Variants in TMEM217 observed in about 807,000 individuals in gnomAD.
TMEM217 encodes the protein chromosome 6 open reading frame 128.
For synonymous variants in TMEM217, 76 were observed against 88.3 expected (o/e 0.86, Z 0.78); for missense variants, 204 against 248.8 (o/e 0.82, Z 1.21).
At chr6:37,229,891 G>A (rs1200644986) in intron 1 of TMEM217, among the ~76,000 whole-genome samples, 3 of 152,212 alleles carry the variant, frequency 2.0e-5, no homozygotes, top group African/African-American at 7.2e-5. Flanking sequence ...CTCAACTGGT[G>A]GTTTCTCTGC....
At chr6:37,222,915 C>G (rs917957552) in intron 1 of TMEM217, among the ~76,000 whole-genome samples, 1 of 152,074 alleles carries the variant, frequency 6.6e-6, no homozygotes, top group Admixed American at 6.5e-5. Flanking sequence ...GCAGCCACTG[C>G]CATTACTAGC....
intron 1 of TMEM217, among the ~76,000 whole-genome samples, chr6:37,237,205 C>T (rs1345151897): frequency 6.6e-6 from 1 of 152,200 alleles, no homozygotes; most frequent in Non-Finnish European, 1.5e-5. Context: ...GATGTAGGGA[C>T]TTCTGAGTAT....
intron 1 of TMEM217, among the ~76,000 whole-genome samples, chr6:37,252,303 C>A (rs1031811844): frequency 2.0e-5 from 3 of 152,118 alleles, no homozygotes; most frequent in Non-Finnish European, 4.4e-5. Context: ...TATTATTACA[C>A]AGCCCCGAGA....
downstream of TMEM217, among the ~76,000 whole-genome samples, chr6:37,213,579 A>G (rs1211919984): frequency 6.6e-6 from 1 of 152,268 alleles, no homozygotes; most frequent in Non-Finnish European, 1.5e-5. Context: ...GACTCTGCCC[A>G]GGGCCAAGAT....
chr6:37,215,876 C>T (rs1763174603), downstream of TMEM217, among the ~76,000 whole-genome samples: 1 of 152,014 alleles, frequency 6.6e-6, no homozygotes, highest in South Asian at 2.1e-4. Flanking sequence ...AGCAAGTTTG[C>T]CTTGGCTTGA....
exon 4 of TMEM217, chr6:37,212,218 G>A: frequency 3.0e-6 from 1 of 333,404 alleles, no homozygotes; most frequent in Non-Finnish European, 5.9e-6. Context: ...ATCATTAACT[G>A]CTAAAACAAG....
chr6:37,215,540 C>T (rs1321218553), downstream of TMEM217, among the ~76,000 whole-genome samples: 1 of 120,834 alleles, frequency 8.3e-6, no homozygotes, highest in Non-Finnish European at 1.6e-5. Context: ...CACTGTACTC[C>T]AGCCTGGGCT....
chr6:37,253,350 T>G (rs928568156), intron 1 of TMEM217, among the ~76,000 whole-genome samples: 3 of 152,240 alleles, frequency 2.0e-5, no homozygotes, highest in Non-Finnish European at 1.5e-5. Flanking sequence ...TTGCCAGGTA[T>G]GGTGACTTCT....
At chr6:37,250,172 G>A (rs1451314535) in intron 1 of TMEM217, among the ~76,000 whole-genome samples, 1 of 152,128 alleles carries the variant, frequency 6.6e-6, no homozygotes, top group East Asian at 1.9e-4. Flanking sequence ...ACAATATTAT[G>A]TTACTTAAGG....
At chr6:37,257,923 C>T (rs1405559299) in exon 1 of TMEM217, 1 of 1,613,882 alleles carries the variant, frequency 6.2e-7, no homozygotes, top group Non-Finnish European at 8.5e-7. Flanking sequence ...GAGCAATGGC[C>T]GCTGAGAACA....
At chr6:37,238,758 GGAGA>G (rs986588209) in intron 1 of TMEM217, among the ~76,000 whole-genome samples, 4 of 152,190 alleles carry the variant, frequency 2.6e-5, no homozygotes, top group Non-Finnish European at 5.9e-5. Flanking sequence ...AACATGAAAG[GGAGA>G]GACTTACTTT....
intron 1 of TMEM217, among the ~76,000 whole-genome samples, chr6:37,232,162 A>G (rs773788519): frequency 6.6e-6 from 1 of 152,160 alleles, no homozygotes; most frequent in Non-Finnish European, 1.5e-5. Flanking sequence ...GATTTGATTA[A>G]TGGGTACAAA....
chr6:37,222,188 G>T (rs1396517879), intron 1 of TMEM217, among the ~76,000 whole-genome samples: 1 of 152,206 alleles, frequency 6.6e-6, no homozygotes, highest in Admixed American at 6.5e-5. Flanking sequence ...GCTGGAAGAG[G>T]CACCACTTAG....
downstream of TMEM217, chr6:37,213,077 A>G (rs1762996400): frequency 3.2e-6 from 3 of 935,932 alleles, no homozygotes; most frequent in Non-Finnish European, 4.8e-6. Context: ...CTAGATATAA[A>G]TCAGAGAGCT....
chr6:37,256,804 C>G (rs936864196), intron 1 of TMEM217, among the ~76,000 whole-genome samples: 5 of 152,100 alleles, frequency 3.3e-5, no homozygotes, highest in African/African-American at 1.2e-4. Flanking sequence ...GGACAAAAAC[C>G]ACTCTGGACT....
intron 1 of TMEM217, among the ~76,000 whole-genome samples, chr6:37,249,303 T>C (rs1275351103): frequency 6.7e-6 from 1 of 149,518 alleles, no homozygotes; most frequent in Non-Finnish European, 1.5e-5. Context: ...TTTCTTTTCA[T>C]TCTTCTTCTT....
At chr6:37,257,989 T>C (rs756764309) in exon 1 of TMEM217, 2 of 1,613,688 alleles carry the variant, frequency 1.2e-6, no homozygotes, top group South Asian at 1.1e-5. Context: ...CCCAGGACGC[T>C]GAGAGGGATA....
intron 1 of TMEM217, among the ~76,000 whole-genome samples, chr6:37,251,538 T>C (rs993767104): frequency 6.6e-6 from 1 of 152,226 alleles, no homozygotes; most frequent in Non-Finnish European, 1.5e-5. Context: ...ATTAACAGAA[T>C]GTTGAGTGAA....
intron 1 of TMEM217, among the ~76,000 whole-genome samples, chr6:37,239,556 A>C (rs1199375107): frequency 6.6e-6 from 1 of 152,208 alleles, no homozygotes; most frequent in Non-Finnish European, 1.5e-5. Flanking sequence ...TAGTGTAATT[A>C]ATGATATTTG....
Sources: allele counts gnomAD v4.1 joint callset (sites outside exome capture counted in the v4.1 genomes callset), GRCh38; gene constraint gnomAD v4.1.1; transcripts MANE v1.5; gene names NCBI Gene and HGNC (gene_info 2026-07-23, HGNC 2026-07-21).